CSMD1: variants seen among roughly 807,000 people sequenced by gnomAD.
CSMD1 encodes CUB and Sushi multiple domains 1.
CSMD1 carries 213 observed loss-of-function variants against 417.5 expected under a neutral mutation model. The observed-to-expected ratio is 0.51, with a 90% CI of 0.46 to 0.57. The LOEUF is 0.57. Among genes scored for constraint, CSMD1 ranks in the 20% least tolerant of loss-of-function variants. The pLI is 0.00. For missense variants in CSMD1, 6,923 were observed against 4,529.7 expected (o/e 1.53, Z -15.17); for synonymous variants, 2,862 against 1,736.8 (o/e 1.65, Z -16.11).
intron 2 of CSMD1, among the ~76,000 whole-genome samples, chr8:4,581,421 T>G (rs1231562705): frequency 1.3e-5 from 2 of 152,352 alleles, no homozygotes; most frequent in East Asian, 1.9e-4. Flanking sequence ...TTTATCTTTT[T>G]GAGCTTGGCA....
At chr8:3,453,064 G>A (rs557456163) in intron 12 of CSMD1, among the ~76,000 whole-genome samples, 1 of 152,168 alleles carries the variant, frequency 6.6e-6, no homozygotes, top group South Asian at 2.1e-4. Flanking sequence ...ATGTGTCGAG[G>A]AATTTATCCA....
At chr8:3,208,185 A>C (rs770625669) in intron 30 of CSMD1, among the ~76,000 whole-genome samples, 1 of 152,224 alleles carries the variant, frequency 6.6e-6, no homozygotes, top group Non-Finnish European at 1.5e-5. Flanking sequence ...ATTAGTTTTA[A>C]ATTTTAGACA....
At chr8:4,744,654 G>A (rs1347316052) in intron 1 of CSMD1, among the ~76,000 whole-genome samples, 2 of 152,008 alleles carry the variant, frequency 1.3e-5, no homozygotes, top group Non-Finnish European at 1.5e-5. Context: ...TCTCAATTTT[G>A]AAAATGACCA....
chr8:4,909,869 G>T (rs769357101), intron 1 of CSMD1, among the ~76,000 whole-genome samples: 3 of 152,190 alleles, frequency 2.0e-5, no homozygotes, highest in Non-Finnish European at 4.4e-5. Context: ...GTTCAGAGAA[G>T]TCATTGATTT....
At chr8:4,196,878 G>T (rs1053790520) in intron 3 of CSMD1, among the ~76,000 whole-genome samples, 1 of 152,152 alleles carries the variant, frequency 6.6e-6, no homozygotes. Context: ...TATAGTGAAA[G>T]TTCCGCCATC....
intron 7 of CSMD1, among the ~76,000 whole-genome samples, chr8:3,657,143 T>A (rs1432491352): frequency 1.3e-5 from 2 of 152,114 alleles, no homozygotes; most frequent in South Asian, 2.1e-4. Context: ...TCCCTAGCAT[T>A]TGGCTACAAA....
At chr8:2,980,255 A>C (rs671958) in intron 54 of CSMD1, among the ~76,000 whole-genome samples, 47,357 of 151,994 alleles carry the variant, frequency 0.31, 9,093 homozygotes, top group African/African-American at 0.54. Flanking sequence ...ACTAAGGATG[A>C]CCGAGAGAAA....
chr8:3,232,372 G>A lies in CSMD1; in HGVS notation c.4154-2141C>T, dbSNP rs868821130. Among the ~76,000 whole-genome samples, 5 of 152,158 alleles carry A rather than the reference G, an allele frequency of 3.3e-5. No individual in the cohort carries two copies. The South Asian group carries it at 6.2e-4, about 19-fold the overall frequency. ...GTGACTCTCTGTCTCTCTCCCCCTT[G>A]CTTGTATTATGTTTTTGGGAGTCAT... On this transcript the variant is annotated intron_variant, in intron 26 of 69. Coordinates refer to ENST00000635120, the MANE Select transcript of CSMD1 (RefSeq NM_033225.6).
At chr8:4,071,714 GTTATGCTCC>G (rs1799567908) in intron 3 of CSMD1, among the ~76,000 whole-genome samples, 1 of 152,096 alleles carries the variant, frequency 6.6e-6, no homozygotes, top group East Asian at 1.9e-4. Flanking sequence ...TTTAGACTCT[GTTATGCTCC>G]TCCAAAAAGT....
intron 52 of CSMD1, among the ~76,000 whole-genome samples, chr8:3,004,103 T>C (rs980928552): frequency 1.3e-5 from 2 of 152,008 alleles, no homozygotes; most frequent in Non-Finnish European, 2.9e-5. Context: ...TTTAAAGAAA[T>C]GAACGTGGGG....
chr8:3,372,935 C>T (rs150462471), intron 18 of CSMD1, among the ~76,000 whole-genome samples: 17 of 152,182 alleles, frequency 1.1e-4, no homozygotes, highest in Middle Eastern at 3.4e-3. Flanking sequence ...GGAGGAGTCC[C>T]GAATTCAGAA....
Position 3,819,834 on chromosome 8 carries a change from C to T in CSMD1, c.819-65792G>A, listed in dbSNP as rs928241303. On this transcript the variant is annotated intron_variant, in intron 5 of 69. Transcript: ENST00000635120. ...TACTGAGATTACAGGCGTGACCCAT[C>T]GCACCTGGCCTGAAAGTGATTTTGC... 3.9e-5 allele frequency among the ~76,000 whole-genome samples: 6 copies of T among 152,090 alleles called. No homozygotes were observed. The South Asian group carries it at 6.2e-4, about 16-fold the overall frequency.
At chr8:4,162,729 A>T (rs1797243163) in intron 3 of CSMD1, among the ~76,000 whole-genome samples, 2 of 152,144 alleles carry the variant, frequency 1.3e-5, no homozygotes, top group South Asian at 4.2e-4. Context: ...GTTCCAATCG[A>T]TGAACTTACA....
chr8:4,817,619 A>C (rs1321983743), intron 1 of CSMD1, among the ~76,000 whole-genome samples: 2 of 152,256 alleles, frequency 1.3e-5, no homozygotes, highest in African/African-American at 4.8e-5. Flanking sequence ...TTTTTGAATC[A>C]AAGGAAACAA....
intron 5 of CSMD1, among the ~76,000 whole-genome samples, chr8:3,996,983 T>C (rs1332693121): frequency 6.6e-6 from 1 of 152,224 alleles, no homozygotes; most frequent in Non-Finnish European, 1.5e-5. Context: ...TGCCGACATG[T>C]TCACAATCAC....
chr8:4,023,076 T>G lies in CSMD1; in HGVS notation c.610+8829A>C, dbSNP rs75402305. ...TCCTGGCTCTCTTTGCAGTGAAATA[T>G]GGCCTCATGGTTGAGCTTCAGCTAA... On this transcript the variant is annotated intron_variant, in intron 4 of 69. Transcript: ENST00000635120. 6.9e-3 allele frequency among the ~76,000 whole-genome samples: 1,054 copies of G among 152,344 alleles called. 57 individuals carry two copies. In the East Asian group the frequency reaches 0.14, roughly 20 times the overall value.
chr8:3,899,178 C>G (rs952162729), intron 5 of CSMD1, among the ~76,000 whole-genome samples: 8 of 152,290 alleles, frequency 5.3e-5, no homozygotes, highest in African/African-American at 1.9e-4. Context: ...GTGCTTACGG[C>G]CTAGGACAGG....
At chr8:4,001,259 T>C (rs1357700470) in intron 4 of CSMD1, among the ~76,000 whole-genome samples, 1 of 152,158 alleles carries the variant, frequency 6.6e-6, no homozygotes, top group Non-Finnish European at 1.5e-5. Context: ...CAGAAGTGAA[T>C]TTAAACCTAT....
intron 16 of CSMD1, among the ~76,000 whole-genome samples, chr8:3,397,838 G>A (rs971411227): frequency 2.6e-5 from 4 of 152,072 alleles, no homozygotes; most frequent in African/African-American, 9.7e-5. Context: ...AACACACACC[G>A]CCTGGCAATA....
Sources: gnomAD v4.1 joint callset for allele counts (sites outside exome capture counted in the v4.1 genomes callset) on GRCh38, gnomAD v4.1.1 for gene constraint, MANE v1.5 for transcripts, NCBI Gene and HGNC (gene_info 2026-07-23, HGNC 2026-07-21) for gene names.